KCNIP1: variants seen among roughly 807,000 people sequenced by gnomAD.
KCNIP1 encodes potassium voltage-gated channel interacting protein 1, also known as A-type potassium channel modulatory protein KCNIP1.
In KCNIP1, 18 loss-of-function variants were observed where a neutral mutation model predicts 33.0. That is an observed-to-expected ratio of 0.55 (90% CI 0.38 to 0.81). The LOEUF (loss-of-function observed/expected upper bound fraction) is 0.81. Ranked by LOEUF, KCNIP1 falls within the 30% of genes least tolerant of loss-of-function variation. The pLI, the probability that KCNIP1 is intolerant of heterozygous loss-of-function variation, is 0.00. For synonymous variants in KCNIP1, 93 were observed against 98.3 expected (o/e 0.95, Z 0.32); for missense variants, 238 against 271.6 (o/e 0.88, Z 0.87).
intron 1 of KCNIP1, among the ~76,000 whole-genome samples, chr5:170,660,921 G>A (rs1561748273): frequency 6.6e-6 from 1 of 152,246 alleles, no homozygotes; most frequent in African/African-American, 2.4e-5. Flanking sequence ...CGAGGTTTGG[G>A]ATATATCTTA....
At chr5:170,430,398 T>C (rs1160769946) in intron 1 of KCNIP1, among the ~76,000 whole-genome samples, 1 of 152,202 alleles carries the variant, frequency 6.6e-6, no homozygotes, top group Non-Finnish European at 1.5e-5. Context: ...CTATGTTTTG[T>C]TCAAATTGTT....
intron 1 of KCNIP1, among the ~76,000 whole-genome samples, chr5:170,567,088 G>T (rs4269297): frequency 3.9e-5 from 6 of 152,172 alleles, no homozygotes; most frequent in South Asian, 2.1e-4. Flanking sequence ...GGCCTGAAGT[G>T]CAGGGGAAGG....
chr5:170,718,574 T>C (rs1263861248), intron 1 of KCNIP1, among the ~76,000 whole-genome samples, 184 bp from the exon 2 acceptor site: 1 of 152,164 alleles, frequency 6.6e-6, no homozygotes, highest in Non-Finnish European at 1.5e-5. Context: ...CTGTGTGGTG[T>C]TTGACGCAGA....
At chr5:170,713,233 A>G (rs192584708) in intron 1 of KCNIP1, among the ~76,000 whole-genome samples, 1 of 152,266 alleles carries the variant, frequency 6.6e-6, no homozygotes, top group Non-Finnish European at 1.5e-5. Context: ...ATCAACATAT[A>G]CTGAGGCAGT....
intron 1 of KCNIP1, among the ~76,000 whole-genome samples, chr5:170,442,138 A>C (rs1026094242): frequency 1.3e-5 from 2 of 151,994 alleles, no homozygotes; most frequent in African/African-American, 4.8e-5. Context: ...TGCAGTACTT[A>C]AGACGGTGCA....
intron 1 of KCNIP1, among the ~76,000 whole-genome samples, chr5:170,630,468 C>G (rs913027082): frequency 6.6e-6 from 1 of 152,204 alleles, no homozygotes; most frequent in Admixed American, 6.5e-5. Context: ...CTGGGACGTA[C>G]AGATGAGTAG....
At chr5:170,632,852 G>C (rs1183810626) in intron 1 of KCNIP1, among the ~76,000 whole-genome samples, 1 of 152,200 alleles carries the variant, frequency 6.6e-6, no homozygotes, top group African/African-American at 2.4e-5. Context: ...CGCTAATGCT[G>C]TGCTGAGGGT....
chr5:170,636,974 A>G (rs534985287), intron 1 of KCNIP1, among the ~76,000 whole-genome samples: 2 of 152,186 alleles, frequency 1.3e-5, no homozygotes, highest in Admixed American at 1.3e-4. Flanking sequence ...ATCCACCTCC[A>G]AGTCCACAGT....
intron 1 of KCNIP1, among the ~76,000 whole-genome samples, chr5:170,498,120 C>T (rs1227445656): frequency 6.6e-6 from 1 of 152,200 alleles, no homozygotes; most frequent in Non-Finnish European, 1.5e-5. Flanking sequence ...TTTCTTCCTC[C>T]TGGGGAGGTA....
At chr5:170,720,513 G>A (rs1050051975) in intron 3 of KCNIP1, 123 bp downstream of exon 3, 5 of 758,288 alleles carry the variant, frequency 6.6e-6, no homozygotes, top group Admixed American at 2.0e-5. Flanking sequence ...ACTCAGGGCA[G>A]GACACCTCCC....
intron 1 of KCNIP1, among the ~76,000 whole-genome samples, chr5:170,417,764 C>T (rs969277859): frequency 1.3e-5 from 2 of 152,226 alleles, no homozygotes; most frequent in African/African-American, 4.8e-5. Context: ...CATAGAGTAG[C>T]ATCTGCTTCC....
intron 1 of KCNIP1, among the ~76,000 whole-genome samples, chr5:170,467,520 A>T (rs1459254206): frequency 6.6e-6 from 1 of 152,164 alleles, no homozygotes; most frequent in Admixed American, 6.5e-5. Context: ...GCAGGGAGGT[A>T]GCAGGGAGCA....
At position 170,383,794 on chromosome 5, in the gene KCNIP1, T is replaced by C. The variant is rs761825484; in HGVS notation, c.88+29830T>C. 3 of 1,614,160 alleles carry C rather than the reference T, an allele frequency of 1.9e-6. No homozygotes were observed. In the East Asian group the frequency reaches 6.7e-5, roughly 36 times the overall value. On this transcript the variant is annotated intron_variant, in intron 1 of 7. Coordinates refer to the KCNIP1 transcript ENST00000377360. ...GGGCACCTTCTTGCCCTTCAGCTCC[T>C]CCTGGTCCCTGATGTTGGTCTCAAT... is the stretch of plus-strand genomic sequence containing the variant.
At position 170,435,264 on chromosome 5, in the gene KCNIP1, A is replaced by G. The variant is rs568645955; in HGVS notation, c.88+81300A>G. Among the ~76,000 whole-genome samples the G allele has an allele frequency of 2.6e-5, 4 of 152,292 alleles. No individual in the cohort carries two copies. The East Asian group carries it at 7.7e-4, about 29-fold the overall frequency. On this transcript the variant is annotated intron_variant, in intron 1 of 7. Transcript: ENST00000377360. ...CTCTTGGGTTCGGTGTCTCCCCTGT[A>G]CTTCTTTGCAGGCCGGAGAAGTCCC...
intron 1 of KCNIP1, among the ~76,000 whole-genome samples, chr5:170,581,108 T>A (rs1213573955): frequency 1.3e-5 from 2 of 152,252 alleles, no homozygotes; most frequent in African/African-American, 4.8e-5. Context: ...TCCTCCCAGA[T>A]GCTGTCTTCT....
chr5:170,555,306 G>A (rs779746804), intron 1 of KCNIP1, among the ~76,000 whole-genome samples: 6 of 152,224 alleles, frequency 3.9e-5, no homozygotes, highest in Non-Finnish European at 8.8e-5. Flanking sequence ...TTTGGGGGCA[G>A]AAGGAATGAG....
chr5:170,593,428 G>A (rs1758335140), intron 1 of KCNIP1, among the ~76,000 whole-genome samples: 1 of 152,196 alleles, frequency 6.6e-6, no homozygotes, highest in African/African-American at 2.4e-5. Flanking sequence ...CACGGAGAGG[G>A]GAGCATTTGT....
intron 1 of KCNIP1, among the ~76,000 whole-genome samples, chr5:170,405,202 C>CTT (rs143434896): frequency 1.2e-3 from 179 of 149,030 alleles, no homozygotes; most frequent in Admixed American, 1.5e-3. Context: ...ATTTTCTTTT[C>CTT]TTTTTTTTTT....
chr5:170,492,827 A>G (rs1267195051), intron 1 of KCNIP1, among the ~76,000 whole-genome samples: 4 of 152,258 alleles, frequency 2.6e-5, no homozygotes, highest in East Asian at 1.9e-4. Flanking sequence ...GTGCAGTGGC[A>G]CAACATCTGC....
Sources: allele counts gnomAD v4.1 joint callset (sites outside exome capture counted in the v4.1 genomes callset), GRCh38; gene constraint gnomAD v4.1.1; transcripts MANE v1.5; gene names NCBI Gene and HGNC (gene_info 2026-07-23, HGNC 2026-07-21).